The following ING5 variants were observed in gnomAD, a reference collection of about 807,000 sequenced individuals.
ING5 encodes inhibitor of growth family member 5.
In ING5, 17 loss-of-function variants were observed where a neutral mutation model predicts 37.4. That is an observed-to-expected ratio of 0.45 (90% confidence interval 0.31 to 0.68). The LOEUF (loss-of-function observed/expected upper bound fraction) is 0.68, where lower values mean the gene tolerates loss of function less well. Ranked by LOEUF, ING5 falls within the 30% of genes least tolerant of loss-of-function variation. The probability of loss-of-function intolerance (pLI) is 0.05; values close to 1 mark genes in which losing one functional copy is unlikely to be tolerated. For missense variants in ING5, 233 were observed against 311.9 expected (o/e 0.75, Z 1.91); for synonymous variants, 123 against 116.6 (o/e 1.06, Z -0.36).
intron 5 of ING5, chr2:241,722,340 G>A: frequency 2.0e-6 from 2 of 985,386 alleles, no homozygotes; most frequent in Non-Finnish European, 1.2e-6. Flanking sequence ...CCCCGGGGGA[G>A]TCCTGTCTGG....
At chr2:241,702,294 C>CG (rs928948860) in intron 1 of ING5, among the ~76,000 whole-genome samples, 192 bp downstream of exon 1, 14 of 147,438 alleles carry the variant, frequency 9.5e-5, no homozygotes, top group South Asian at 2.1e-4. Context: ...GGGGCGGGCG[C>CG]GGGGGGTCCC....
chr2:241,702,174 G>A (rs2069752439), intron 1 of ING5, 72 bp downstream of exon 1: 6 of 968,402 alleles, frequency 6.2e-6, no homozygotes. Flanking sequence ...CCCGCGCGCC[G>A]GGCACCGCAT....
rs552038267 is a variant in ING5, at chr2:241,720,682, G to A, written c.483-2257G>A. ...GGGCGCGGAAGGGCTCGCTGGCACC[G>A]TCTGGCGAGGGGTGCCTGCCACACC... On this transcript the variant is annotated intron_variant, in intron 5 of 7. Transcript: ENST00000313552. The A allele has an allele frequency of 6.3e-5, 62 of 985,556 alleles. 1 individual carries two copies. In the African/African-American group the frequency reaches 9.6e-4, roughly 15 times the overall value. The allele number at this position is 985,556 out of a possible 1,614,324, so 61.1% of individuals were successfully genotyped here. A position where few individuals can be genotyped will look rare whatever the true frequency, so the allele number is the denominator to read the frequency against.
chr2:241,698,598 G>C (rs2069667279), upstream of ING5, among the ~76,000 whole-genome samples: 1 of 151,518 alleles, frequency 6.6e-6, no homozygotes. Context: ...AAAACTGATG[G>C]AAAAATAGTC....
chr2:241,704,739 C>T lies in ING5; in HGVS notation c.109+15C>T. The T allele has an allele frequency of 1.2e-6, 2 of 1,606,590 alleles. No homozygotes were observed. The highest frequency in any genetic ancestry group is 1.1e-5 in the South Asian group (1 of 90,932). Reference sequence around the variant, plus strand: ...GAGGACGGAAGGTGGGTTCAGACCTCTCCATACAACCAGAACTGAGTTCTG... The same window carrying T: ...GAGGACGGAAGGTGGGTTCAGACCTTTCCATACAACCAGAACTGAGTTCTG... On this transcript the variant is annotated intron_variant, in intron 2 of 7. Coordinates refer to ENST00000313552, the MANE Select transcript of ING5 (RefSeq NM_032329.6).
chr2:241,720,359 G>A (rs1226176247), intron 5 of ING5: 5 of 1,195,420 alleles, frequency 4.2e-6, no homozygotes, highest in East Asian at 3.5e-5. Context: ...GGACCCAGGC[G>A]CACGCACCAT....
At chr2:241,695,594 C>G (rs1462728150) in intron 2 of ING5, among the ~76,000 whole-genome samples, 1 of 151,886 alleles carries the variant, frequency 6.6e-6, no homozygotes, top group African/African-American at 2.4e-5. Context: ...GCTGAGGCAG[C>G]AGAATTGCTT....
At chr2:241,696,235 C>CA (rs1445166603) in intron 2 of ING5, among the ~76,000 whole-genome samples, 2 of 151,542 alleles carry the variant, frequency 1.3e-5, no homozygotes, top group African/African-American at 4.8e-5. Flanking sequence ...ACTAAAAATA[C>CA]AAAAAATTAG....
intron 3 of ING5, among the ~76,000 whole-genome samples, chr2:241,710,772 C>T (rs2070084142): frequency 6.6e-6 from 1 of 152,156 alleles, no homozygotes; most frequent in Non-Finnish European, 1.5e-5. Context: ...GTATGAGCCA[C>T]CGTGCCTGGC....
intron 5 of ING5, chr2:241,721,947 T>A (rs112011439): frequency 0.035 from 34,270 of 985,510 alleles, 3,190 homozygotes; most frequent in African/African-American, 0.31. Flanking sequence ...GAAACCCACG[T>A]GGGAGCTGAT....
chr2:241,714,895 C>T (rs557782287), intron 5 of ING5, among the ~76,000 whole-genome samples: 4 of 152,086 alleles, frequency 2.6e-5, no homozygotes, highest in Admixed American at 6.6e-5. Context: ...TGCGTCTGGC[C>T]GTCTTGATCT....
At chr2:241,715,744 C>T (rs1422800936) in intron 5 of ING5, among the ~76,000 whole-genome samples, 3 of 151,948 alleles carry the variant, frequency 2.0e-5, no homozygotes, top group Non-Finnish European at 2.9e-5. Context: ...GCCTTGGCCT[C>T]CCAACATACT....
At chr2:241,721,365 C>T (rs2070430771) in intron 5 of ING5, 2 of 985,368 alleles carry the variant, frequency 2.0e-6, no homozygotes, top group African/African-American at 1.7e-5. Context: ...TAAAGAGAAA[C>T]CCCTGTCTAT....
intron 5 of ING5, among the ~76,000 whole-genome samples, chr2:241,713,345 A>ACTGCCCCGGCCCCTG (rs1298387689): frequency 6.8e-6 from 1 of 146,714 alleles, no homozygotes. Flanking sequence ...GGCATGAGCC[A>ACTGCCCCGGCCCCTG]TCACACCCGA....
At chr2:241,721,452 G>T in intron 5 of ING5, 1 of 985,678 alleles carries the variant, frequency 1.0e-6, no homozygotes, top group Non-Finnish European at 1.2e-6. Context: ...TGTGCCAGAG[G>T]GCAGCGGGGA....
In ING5 at chr2:241,720,892, C is replaced by G. The variant is rs928149303; in HGVS notation, c.483-2047C>G. 1.0e-5 allele frequency: 10 copies of G among 985,488 alleles called. No individual in the cohort carries two copies. In the Admixed American group the frequency reaches 2.5e-4, roughly 24 times the overall value. The allele number at this position is 985,488 out of a possible 1,614,324, so 61.0% of individuals were successfully genotyped here. ...CGCCATGGCGCTCCCTCAGGCGAGA[C>G]TGAGAGGCCAGTGAGGCCTGCACGG... is the stretch of plus-strand genomic sequence containing the variant. On this transcript the variant is annotated intron_variant, in intron 5 of 7. Coordinates refer to ENST00000313552, the MANE Select transcript of ING5 (RefSeq NM_032329.6).
At chr2:241,716,012 C>T (rs557425369) in intron 5 of ING5, among the ~76,000 whole-genome samples, 44 of 150,950 alleles carry the variant, frequency 2.9e-4, no homozygotes, top group African/African-American at 8.5e-4. Context: ...AGGCTGGTCT[C>T]GAACTCCTGA....
At chr2:241,687,903 C>T (rs1283684983) in exon 1 of ING5, 1 of 152,206 alleles carries the variant, frequency 6.6e-6, no homozygotes, top group Non-Finnish European at 1.5e-5. Context: ...CTTTCCATGC[C>T]TCCAACTCCT....
At chr2:241,714,505 TTTGCA>T (rs1174312471) in intron 5 of ING5, among the ~76,000 whole-genome samples, 2 of 152,178 alleles carry the variant, frequency 1.3e-5, no homozygotes, top group Middle Eastern at 3.2e-3. Flanking sequence ...TGTTAATAAT[TTTGCA>T]TTATTATGGT....
Sources: allele counts gnomAD v4.1 joint callset (sites outside exome capture counted in the v4.1 genomes callset), GRCh38; gene constraint gnomAD v4.1.1; transcripts MANE v1.5; gene names NCBI Gene and HGNC (gene_info 2026-07-23, HGNC 2026-07-21).